The following ZDHHC17 variants were observed in gnomAD, a reference collection of about 807,000 sequenced individuals.
ZDHHC17 encodes the protein palmitoyltransferase ZDHHC17.
In ZDHHC17, 40 loss-of-function variants were observed where a neutral mutation model predicts 90.3. That is an observed-to-expected ratio of 0.44 (90% CI 0.34 to 0.58). The LOEUF is 0.58. ZDHHC17 is among the 20% of genes least tolerant of loss of function. ZDHHC17 has a pLI of 0.01. For missense variants in ZDHHC17, 614 were observed against 780.8 expected, an observed-to-expected ratio of 0.79 and a Z score of 2.55; for synonymous variants, 235 against 252.4, an observed-to-expected ratio of 0.93 and a Z score of 0.65.
At chr12:76,764,820 C>A (rs1952413004) in intron 1 of ZDHHC17, 3 of 456,640 alleles carry the variant, frequency 6.6e-6, no homozygotes, top group South Asian at 4.6e-5. Flanking sequence ...CAGGTAATGC[C>A]ATGGGTAGCA....
At chr12:76,829,899 G>A (rs986335891) in intron 10 of ZDHHC17, among the ~76,000 whole-genome samples, 1 of 151,906 alleles carries the variant, frequency 6.6e-6, no homozygotes, top group African/African-American at 2.4e-5. Flanking sequence ...CACAATCATG[G>A]CTCACTGCAG....
intron 1 of ZDHHC17, among the ~76,000 whole-genome samples, chr12:76,765,068 G>C (rs1338161990): frequency 6.6e-6 from 1 of 152,168 alleles, no homozygotes; most frequent in Non-Finnish European, 1.5e-5. Context: ...TTACCTCCGA[G>C]TTTGTAGCTG....
chr12:76,851,022 G>A lies in ZDHHC17; in HGVS notation c.*37G>A. Reference sequence around the variant, plus strand: ...CCTATGAAGCATATTGCTGAGTGGTGCCTGAAAATTGTGTCTGTCCGTGTC... The same window carrying A: ...CCTATGAAGCATATTGCTGAGTGGTACCTGAAAATTGTGTCTGTCCGTGTC... On this transcript the variant is annotated 3_prime_UTR_variant, in exon 17 of 17. Coordinates refer to ENST00000426126, the MANE Select transcript of ZDHHC17 (RefSeq NM_015336.4). The A allele has an allele frequency of 6.2e-7, 1 of 1,611,812 alleles. No individual in the cohort carries two copies. Among genetic ancestry groups the A allele is most frequent in the Non-Finnish European group, 8.5e-7 (1 of 1,179,090 alleles).
At position 76,852,712 on chromosome 12, in the gene ZDHHC17, A is replaced by G. The variant is rs1305262424; in HGVS notation, c.*1727A>G. ...AGTAGCTTATTTGACCATAAGTCACACATCAAAAAAAGATTACCCTTAGTG... is the reference window on the plus strand; with the variant it reads ...AGTAGCTTATTTGACCATAAGTCACGCATCAAAAAAAGATTACCCTTAGTG... On this transcript the variant is annotated 3_prime_UTR_variant, in exon 17 of 17. Transcript: ENST00000426126. 6.6e-6 allele frequency: 1 copy of G among 152,642 alleles called. No individual in the cohort carries two copies. The highest frequency in any genetic ancestry group is 2.4e-5 in the African/African-American group (1 of 41,464). 9.5% of individuals were successfully genotyped at this position (152,642 alleles called of 1,614,324 possible). A position where few individuals can be genotyped will look rare whatever the true frequency, so the allele number is the denominator to read the frequency against.
intron 7 of ZDHHC17, chr12:76,820,916 C>G (rs1200325838): frequency 2.7e-5 from 12 of 449,986 alleles, no homozygotes; most frequent in Non-Finnish European, 4.7e-5. Context: ...AGACTTAACT[C>G]AGAACCCTGG....
intron 2 of ZDHHC17, among the ~76,000 whole-genome samples, chr12:76,799,960 C>T (rs1443507854): frequency 6.6e-6 from 1 of 152,144 alleles, no homozygotes; most frequent in Non-Finnish European, 1.5e-5. Context: ...ATACACATAG[C>T]CCGAAGGTAC....
rs1287714532 is a variant in ZDHHC17, at chr12:76,809,816, G to A, written c.502G>A (p.Gly168Arg). The A allele has an allele frequency of 6.2e-7, 1 of 1,610,768 alleles. No individual in the cohort carries two copies. The highest frequency in any genetic ancestry group is 8.5e-7 in the Non-Finnish European group (1 of 1,178,478). ...CSCIHLAAQF[G>R]HTSIVAYLIA... The stretch of plus-strand genomic sequence containing the variant: ...CTGTATTCATCTGGCTGCTCAGTTC[G>A]GACATACCTCAATTGTTGCTTATCT... Residue 168 changes from glycine to arginine, a missense_variant, in exon 5 of 17, where the codon GGA becomes AGA. Physicochemically the swap from Gly to Arg is moderately radical, Grantham distance 125. Transcript: ENST00000426126.
chr12:76,797,501 A>T lies in ZDHHC17; in HGVS notation c.161A>T (p.Asp54Val). 1.2e-6 allele frequency: 2 copies of T among 1,611,484 alleles called. No homozygotes were observed. The highest frequency in any genetic ancestry group is 1.7e-6 in the Non-Finnish European group (2 of 1,178,658). The stretch of plus-strand genomic sequence containing the variant: ...CCTCTTGGACGGAAAACTCATATTG[A>T]TGATTACAGCACATGGGACATAGTC... ...GEPLGRKTHI[D>V]DYSTWDIVKA... The change falls in exon 2 of 17, where the codon GAT becomes GTT. Residue 54 changes from aspartate (D) to valine (V), a missense_variant. Physicochemically the swap from Asp to Val is radical, Grantham distance 152 (BLOSUM62 -3). Coordinates refer to ENST00000426126, the MANE Select transcript of ZDHHC17 (RefSeq NM_015336.4).
Position 76,815,141 on chromosome 12 carries a change from A to G in ZDHHC17, c.544-5A>G. 1 of 1,542,600 alleles carries G rather than the reference A, an allele frequency of 6.5e-7. No homozygotes were observed. The highest frequency in any genetic ancestry group is 8.8e-7 in the Non-Finnish European group (1 of 1,141,798). On this transcript the variant is annotated splice_region_variant and splice_polypyrimidine_tract_variant and intron_variant, in intron 5 of 16. Transcript: ENST00000426126. Reference sequence around the variant, plus strand: ...GTCTGACTTTTTTTCTTTTTACTTTATCAGGATGTAGATATGATGGATCAG... The same window carrying G: ...GTCTGACTTTTTTTCTTTTTACTTTGTCAGGATGTAGATATGATGGATCAG...
At chr12:76,848,974 T>C (rs1035802427) in intron 15 of ZDHHC17, among the ~76,000 whole-genome samples, 10 of 151,566 alleles carry the variant, frequency 6.6e-5, no homozygotes, top group Non-Finnish European at 1.5e-4. Context: ...TTTTTTATAT[T>C]AAGTATTTAG....
chr12:76,768,921 C>A (rs895177409), intron 1 of ZDHHC17, among the ~76,000 whole-genome samples: 2 of 150,184 alleles, frequency 1.3e-5, no homozygotes, highest in African/African-American at 5.0e-5. Flanking sequence ...TCATTTTCGT[C>A]TCTCTTTTTA....
chr12:76,781,133 CAA>C (rs33935444), intron 1 of ZDHHC17, among the ~76,000 whole-genome samples: 2 of 92,384 alleles, frequency 2.2e-5, no homozygotes, highest in African/African-American at 4.5e-5. Flanking sequence ...GACTCCGTCT[CAA>C]AAAAAAAAAA....
At position 76,821,401 on chromosome 12, in the gene ZDHHC17, T is replaced by C. The variant is rs533786354; in HGVS notation, c.772-1005T>C. On this transcript the variant is annotated intron_variant, in intron 7 of 16. Coordinates refer to ENST00000426126, the MANE Select transcript of ZDHHC17 (RefSeq NM_015336.4). ...GTGGTGTGTTTTATTTTGTTGTTTA[T>C]TTTTATTTTATAATATTAAATAAAC... Among the ~76,000 whole-genome samples, 241 of 152,178 alleles carry C rather than the reference T, an allele frequency of 1.6e-3. 2 individuals are homozygous for C. The highest frequency in any genetic ancestry group is 5.6e-3 in the African/African-American group (234 of 41,564).
At chr12:76,787,288 G>C (rs920736289) in intron 1 of ZDHHC17, among the ~76,000 whole-genome samples, 2 of 152,030 alleles carry the variant, frequency 1.3e-5, no homozygotes, top group Non-Finnish European at 2.9e-5. Flanking sequence ...AAATAATACT[G>C]GTCATAATCT....
chr12:76,839,118 A>T (rs1665146825), intron 10 of ZDHHC17, among the ~76,000 whole-genome samples: 2 of 152,198 alleles, frequency 1.3e-5, no homozygotes. Context: ...TTAGGCTCCC[A>T]CCCTTATGAC....
chr12:76,813,771 G>A (rs148704373), intron 5 of ZDHHC17, among the ~76,000 whole-genome samples: 11 of 152,172 alleles, frequency 7.2e-5, no homozygotes, highest in Admixed American at 2.0e-4. Context: ...TATGTTCTCA[G>A]CTGTTGACTA....
intron 1 of ZDHHC17, among the ~76,000 whole-genome samples, chr12:76,776,419 T>C (rs966021206): frequency 1.3e-5 from 2 of 152,206 alleles, no homozygotes; most frequent in African/African-American, 4.8e-5. Flanking sequence ...TAAATACTAC[T>C]TTAAAGTACA....
At chr12:76,827,381 G>A (rs954437700) in intron 9 of ZDHHC17, among the ~76,000 whole-genome samples, 8 of 152,132 alleles carry the variant, frequency 5.3e-5, no homozygotes, top group East Asian at 1.9e-4. Flanking sequence ...ACTTGAGCTC[G>A]CCTTTCTATA....
At chr12:76,850,146 A>AC (rs950357959) in intron 16 of ZDHHC17, among the ~76,000 whole-genome samples, 13 of 151,812 alleles carry the variant, frequency 8.6e-5, no homozygotes, top group African/African-American at 3.1e-4. Flanking sequence ...TGAACTCCTG[A>AC]CCTCATGATC....
Sources: allele counts gnomAD v4.1 joint callset (sites outside exome capture counted in the v4.1 genomes callset), GRCh38; gene constraint gnomAD v4.1.1; transcripts MANE v1.5; gene names NCBI Gene and HGNC (gene_info 2026-07-23, HGNC 2026-07-21).